The following GRID2 variants were observed in gnomAD, a reference collection of about 807,000 sequenced individuals.
GRID2 encodes the protein glutamate receptor ionotropic, delta-2.
In GRID2, 33 loss-of-function variants were observed where a neutral mutation model predicts 114.8. The ratio of observed to expected loss-of-function variants is 0.29; its 90% CI spans 0.22 to 0.38. The LOEUF (loss-of-function observed/expected upper bound fraction) is 0.38. Among genes scored for constraint, GRID2 ranks in the 10% least tolerant of loss-of-function variants. The pLI is 1.00. For synonymous variants in GRID2, 505 were observed against 449.9 expected, an observed-to-expected ratio of 1.12 and a Z score of -1.55; for missense variants, 1,184 against 1,257.7, an observed-to-expected ratio of 0.94 and a Z score of 0.89.
chr4:93,532,895 G>T (rs1464215270), intron 13 of GRID2, among the ~76,000 whole-genome samples: 1 of 151,908 alleles, frequency 6.6e-6, no homozygotes, highest in Non-Finnish European at 1.5e-5. Flanking sequence ...ACAGTATTTT[G>T]CATATTATTT....
intron 2 of GRID2, among the ~76,000 whole-genome samples, chr4:92,919,842 G>C (rs2149502602): frequency 6.6e-6 from 1 of 152,282 alleles, no homozygotes; most frequent in Middle Eastern, 3.4e-3. Context: ...ATTTGGGGTG[G>C]AGAGTTCTGT....
At chr4:92,617,000 A>G (rs1446438234) in intron 2 of GRID2, among the ~76,000 whole-genome samples, 2 of 151,552 alleles carry the variant, frequency 1.3e-5, no homozygotes, top group South Asian at 2.1e-4. Context: ...ACACTAATGT[A>G]TAGATCAGGG....
rs1013861636 is a variant in GRID2, at chr4:93,681,661, C to G, written c.2360+55226C>G. Among the ~76,000 whole-genome samples, 14 of 152,136 alleles carry G rather than the reference C, an allele frequency of 9.2e-5. No homozygotes were observed. The South Asian group carries it at 1.2e-3, about 14-fold the overall frequency. On this transcript the variant is annotated intron_variant, in intron 14 of 15. Transcript: ENST00000282020. ...ACTATCTGATCTTTGACAAACCTGA[C>G]AAAAACAACCAATGGGGAAAGGATT...
intron 1 of GRID2, among the ~76,000 whole-genome samples, chr4:92,431,821 G>A (rs1044436660): frequency 6.6e-6 from 1 of 152,136 alleles, no homozygotes; most frequent in African/African-American, 2.4e-5. Flanking sequence ...GAAGAGTTAG[G>A]TATTTATTGT....
chr4:93,687,354 A>G (rs1464366649), intron 14 of GRID2, among the ~76,000 whole-genome samples: 1 of 151,938 alleles, frequency 6.6e-6, no homozygotes, highest in Non-Finnish European at 1.5e-5. Context: ...CCAGTGGGAG[A>G]TCTTAGCCAG....
At chr4:92,790,741 A>AG (rs1739545074) in intron 2 of GRID2, among the ~76,000 whole-genome samples, 1 of 151,096 alleles carries the variant, frequency 6.6e-6, no homozygotes, top group Non-Finnish European at 1.5e-5. Context: ...AAAAAAAAAA[A>AG]GTGTTTTTAA....
chr4:93,752,621 C>T (rs865993443), intron 14 of GRID2, among the ~76,000 whole-genome samples: 3 of 152,134 alleles, frequency 2.0e-5, no homozygotes, highest in Non-Finnish European at 2.9e-5. Context: ...CTGCCCACCT[C>T]GGCCTCCCAA....
At chr4:92,898,734 G>T (rs1328298983) in intron 2 of GRID2, among the ~76,000 whole-genome samples, 1 of 152,084 alleles carries the variant, frequency 6.6e-6, no homozygotes, top group East Asian at 1.9e-4. Context: ...TACAGATACT[G>T]TAAATTAGAT....
chr4:93,521,521 T>A (rs892615508), intron 13 of GRID2, among the ~76,000 whole-genome samples: 1 of 151,984 alleles, frequency 6.6e-6, no homozygotes, highest in Non-Finnish European at 1.5e-5. Context: ...ATGATGCTCA[T>A]GATAAAGGGT....
At chr4:92,998,904 T>C (rs887484598) in intron 2 of GRID2, among the ~76,000 whole-genome samples, 1 of 152,044 alleles carries the variant, frequency 6.6e-6, no homozygotes, top group Admixed American at 6.6e-5. Flanking sequence ...AAAATTTCCC[T>C]TCTAGAATTT....
chr4:92,977,658 T>G (rs1467170090), intron 2 of GRID2, among the ~76,000 whole-genome samples: 3 of 152,162 alleles, frequency 2.0e-5, no homozygotes, highest in Admixed American at 6.5e-5. Flanking sequence ...AAACCATTGC[T>G]GTAATGTGGA....
intron 8 of GRID2, among the ~76,000 whole-genome samples, chr4:93,284,071 G>C (rs1312021336): frequency 6.6e-6 from 1 of 151,930 alleles, no homozygotes; most frequent in African/African-American, 2.4e-5. Flanking sequence ...TTCCTTACAA[G>C]ATGACAGATT....
chr4:93,084,249 T>C (rs1188289336), intron 2 of GRID2, among the ~76,000 whole-genome samples: 1 of 152,174 alleles, frequency 6.6e-6, no homozygotes, highest in Non-Finnish European at 1.5e-5. Flanking sequence ...TTTAAGTACA[T>C]TTTGAGGTAT....
chr4:92,992,246 T>C (rs751771749), intron 2 of GRID2, among the ~76,000 whole-genome samples: 5 of 152,144 alleles, frequency 3.3e-5, no homozygotes, highest in African/African-American at 4.8e-5. Context: ...GGTCAAAGGT[T>C]AACCACAAAA....
rs376705750 is a variant in GRID2 at position 92,759,762 on chromosome 4, C to T, written c.244+169476C>T. On this transcript the variant is annotated intron_variant, in intron 2 of 15. Transcript: ENST00000282020. ...CGGATTACAGACATGCGCCACCATG[C>T]CGGGCTTTTTTTTCTTCTTCTTCTT... Among the ~76,000 whole-genome samples, 8 of 151,574 alleles carry T rather than the reference C, an allele frequency of 5.3e-5. No individual in the cohort carries two copies. In the South Asian group the frequency reaches 1.7e-3, roughly 32 times the overall value.
chr4:93,706,730 G>A (rs1432779889), intron 14 of GRID2, among the ~76,000 whole-genome samples: 1 of 152,126 alleles, frequency 6.6e-6, no homozygotes, highest in East Asian at 1.9e-4. Flanking sequence ...GATTGCTCTA[G>A]CAAGGACTTC....
chr4:93,696,438 A>T (rs1210480440), intron 14 of GRID2, among the ~76,000 whole-genome samples: 1 of 152,062 alleles, frequency 6.6e-6, no homozygotes, highest in Non-Finnish European at 1.5e-5. Flanking sequence ...TCCAGCACTC[A>T]GGCTATAAGA....
At chr4:93,549,303 C>T (rs1200054089) in intron 13 of GRID2, among the ~76,000 whole-genome samples, 1 of 152,068 alleles carries the variant, frequency 6.6e-6, no homozygotes, top group Non-Finnish European at 1.5e-5. Flanking sequence ...GTAGAGAATA[C>T]TCTTTGATAA....
chr4:93,703,660 A>C (rs1250227663), intron 14 of GRID2, among the ~76,000 whole-genome samples: 3 of 90,566 alleles, frequency 3.3e-5, no homozygotes, highest in Admixed American at 1.6e-4. Context: ...CCCACCCCAC[A>C]ACAGTCCCCA....
Sources: allele counts gnomAD v4.1 joint callset (sites outside exome capture counted in the v4.1 genomes callset), GRCh38; gene constraint gnomAD v4.1.1; transcripts MANE v1.5; gene names NCBI Gene and HGNC (gene_info 2026-07-23, HGNC 2026-07-21).